TENM3: variants seen among roughly 807,000 people sequenced by gnomAD.
The protein encoded by TENM3 is teneurin-3.
TENM3 carries 63 observed loss-of-function variants against 255.1 expected under a neutral mutation model. The ratio of observed to expected loss-of-function variants is 0.25; its 90% CI spans 0.20 to 0.30. The LOEUF (loss-of-function observed/expected upper bound fraction) is 0.30. Ranked by LOEUF, TENM3 falls within the 10% of genes least tolerant of loss-of-function variation. The probability of loss-of-function intolerance (pLI) is 1.00; values close to 1 mark genes in which losing one functional copy is unlikely to be tolerated. For synonymous variants in TENM3, 1,306 were observed against 1,322.3 expected (o/e 0.99, Z 0.27); for missense variants, 2,929 against 3,461.1 (o/e 0.85, Z 3.86).
chr4:182,726,184 A>G (rs1369559206), intron 13 of TENM3, among the ~76,000 whole-genome samples: 1 of 152,180 alleles, frequency 6.6e-6, no homozygotes, highest in Non-Finnish European at 1.5e-5. Context: ...AACTTAATTC[A>G]GATATTCACT....
intron 1 of TENM3, among the ~76,000 whole-genome samples, chr4:182,249,177 GAA>G (rs1757837637): frequency 6.6e-6 from 1 of 152,206 alleles, no homozygotes; most frequent in South Asian, 2.1e-4. Context: ...ACCAGCTGTG[GAA>G]ATGGGAGTCA....
At chr4:182,795,506 C>G (rs1766436231) in intron 26 of TENM3, among the ~76,000 whole-genome samples, 1 of 152,144 alleles carries the variant, frequency 6.6e-6, no homozygotes, top group African/African-American at 2.4e-5. Flanking sequence ...CACCCCATTT[C>G]AAATAAAAAG....
At chr4:181,473,685 A>C in the TENM3 span, among the ~76,000 whole-genome samples, 4 of 152,062 alleles carry the variant, frequency 2.6e-5, no homozygotes, top group Non-Finnish European at 5.9e-5. Context: ...GAGACAAGAC[A>C]TGCCTATGGG....
chr4:182,698,535 G>A (rs1160551673), intron 12 of TENM3, among the ~76,000 whole-genome samples: 2 of 152,192 alleles, frequency 1.3e-5, no homozygotes, highest in South Asian at 2.1e-4. Flanking sequence ...CTGTGTAACC[G>A]TCAGGAAAAG....
At chr4:182,066,216 T>G in the TENM3 span, among the ~76,000 whole-genome samples, 1 of 152,154 alleles carries the variant, frequency 6.6e-6, no homozygotes, top group Non-Finnish European at 1.5e-5. Flanking sequence ...CTCCTTTTGG[T>G]TTTCATTTGC....
At chr4:181,661,995 T>C in the TENM3 span, among the ~76,000 whole-genome samples, 1 of 152,154 alleles carries the variant, frequency 6.6e-6, no homozygotes, top group African/African-American at 2.4e-5. Context: ...AGACTCCAAT[T>C]GTTTCAAAAT....
chr4:182,432,216 T>C (rs1771711502), intron 3 of TENM3, among the ~76,000 whole-genome samples: 1 of 152,154 alleles, frequency 6.6e-6, no homozygotes, highest in Admixed American at 6.5e-5. Context: ...AAAGAATAGA[T>C]AAAATTTCTA....
the TENM3 span, among the ~76,000 whole-genome samples, chr4:181,878,372 G>A: frequency 5.3e-5 from 8 of 151,960 alleles, no homozygotes; most frequent in Non-Finnish European, 1.5e-5. Flanking sequence ...ACGGAATTGG[G>A]GAAAGTTCTT....
At chr4:181,715,294 C>A in the TENM3 span, among the ~76,000 whole-genome samples, 3 of 152,120 alleles carry the variant, frequency 2.0e-5, no homozygotes, top group African/African-American at 7.2e-5. Flanking sequence ...AAATGTTGCA[C>A]ATTTGAGCTG....
intron 1 of TENM3, among the ~76,000 whole-genome samples, chr4:182,161,959 G>GTATATATA (rs766414090): frequency 6.1e-5 from 1 of 16,276 alleles, no homozygotes; most frequent in East Asian, 1.4e-3. Flanking sequence ...GTGTGTGTGT[G>GTATATATA]TATATATATA....
At chr4:182,261,154 G>A (rs747556213) in intron 1 of TENM3, among the ~76,000 whole-genome samples, 11 of 152,162 alleles carry the variant, frequency 7.2e-5, no homozygotes, top group Non-Finnish European at 1.3e-4. Context: ...AATTACAGGC[G>A]TGAGCCACCG....
chr4:182,406,402 A>G (rs926296868), intron 3 of TENM3, among the ~76,000 whole-genome samples: 1 of 152,204 alleles, frequency 6.6e-6, no homozygotes, highest in Non-Finnish European at 1.5e-5. Flanking sequence ...GATTAGAAAA[A>G]AGGGACAGAA....
At chr4:182,251,752 T>G (rs1359538315) in intron 1 of TENM3, among the ~76,000 whole-genome samples, 1 of 152,200 alleles carries the variant, frequency 6.6e-6, no homozygotes, top group Non-Finnish European at 1.5e-5. Context: ...ATCTTACAAG[T>G]AAAGATGCTC....
At chr4:182,079,282 C>T in the TENM3 span, among the ~76,000 whole-genome samples, 3 of 152,038 alleles carry the variant, frequency 2.0e-5, no homozygotes, top group Non-Finnish European at 2.9e-5. Flanking sequence ...TTTGGGAGGC[C>T]GAGGCGGGCA....
the TENM3 span, chr4:181,975,536 A>C: frequency 1.3e-5 from 2 of 152,210 alleles, no homozygotes; most frequent in African/African-American, 4.8e-5. Context: ...GCTGTTTTGA[A>C]TAGTGCTGCG....
rs200621449 is a variant in TENM3, at chr4:182,793,932, A to C, written c.7213+47A>C. 652 of 1,475,870 alleles carry C rather than the reference A, an allele frequency of 4.4e-4. 4 individuals carry two copies. In the African/African-American group the frequency reaches 7.5e-3, roughly 17 times the overall value. The allele number at this position is 1,475,870 out of a possible 1,614,324, so 91.4% of individuals were successfully genotyped here. A position where few individuals can be genotyped will look rare whatever the true frequency, so the allele number is the denominator to read the frequency against. On this transcript the variant is annotated intron_variant, in intron 26 of 27. Transcript: ENST00000511685. The surrounding 1 kb of genome is among the most constrained non-coding windows in gnomAD (Gnocchi z 5.7). ...CAAGAGCTGGAGGACTACCATCATT[A>C]GATTAATACACAAAATAACTGGAAA... is the stretch of plus-strand genomic sequence containing the variant.
chr4:182,287,154 G>A (rs1415224729), intron 1 of TENM3, among the ~76,000 whole-genome samples: 2 of 152,188 alleles, frequency 1.3e-5, no homozygotes, highest in Admixed American at 6.5e-5. Context: ...CTTGGGTTCA[G>A]GAGTTCAAGA....
chr4:182,775,218 G>T (rs983092535), intron 24 of TENM3, 65 bp downstream of exon 24: 2 of 1,462,674 alleles, frequency 1.4e-6, no homozygotes, highest in South Asian at 1.2e-5. Flanking sequence ...CATCCTGAGG[G>T]CAGGTTGCGT....
At chr4:181,638,480 G>A in the TENM3 span, among the ~76,000 whole-genome samples, 1 of 152,170 alleles carries the variant, frequency 6.6e-6, no homozygotes. Context: ...CCATGTTCCT[G>A]CTCTCACCAA....
Sources: gnomAD v4.1 joint callset for allele counts (sites outside exome capture counted in the v4.1 genomes callset) on GRCh38, gnomAD v4.1.1 for gene constraint, Gnocchi (gnomAD v3.1) non-coding constraint, MANE v1.5 for transcripts, NCBI Gene and HGNC (gene_info 2026-07-23, HGNC 2026-07-21) for gene names.